ARRB1: variants seen among roughly 807,000 people sequenced by gnomAD.
The protein encoded by ARRB1 is arrestin beta 1.
In ARRB1, 21 loss-of-function variants were observed where a neutral mutation model predicts 56.8. That is an observed-to-expected ratio of 0.37 (90% CI 0.26 to 0.53). ARRB1 has a LOEUF of 0.53. Among genes scored for constraint, ARRB1 ranks in the 20% least tolerant of loss-of-function variants. ARRB1 has a pLI of 0.88. For synonymous variants in ARRB1, 210 were observed against 218.6 expected, an observed-to-expected ratio of 0.96 and a Z score of 0.35; for missense variants, 424 against 553.7, an observed-to-expected ratio of 0.77 and a Z score of 2.35.
At chr11:75,289,890 C>A (rs1189905035) in intron 2 of ARRB1, 119 bp downstream of exon 2, 12 of 1,438,918 alleles carry the variant, frequency 8.3e-6, no homozygotes, top group African/African-American at 1.4e-5. Flanking sequence ...GGGAGCAGCA[C>A]CTGCCCCCTC....
In ARRB1 at chr11:75,263,874, C is replaced by T. The variant is rs188801140; in HGVS notation, c.*2289G>A. On this transcript the variant is annotated 3_prime_UTR_variant, in exon 16 of 16. Coordinates refer to ENST00000420843, the MANE Select transcript of ARRB1 (RefSeq NM_004041.5). ...AGGCTCGGGAAACCAGCCTGACAAACGTTTTCCATGCATGAGTTAGGGATA... is the reference window on the plus strand; with the variant it reads ...AGGCTCGGGAAACCAGCCTGACAAATGTTTTCCATGCATGAGTTAGGGATA... Among the ~76,000 whole-genome samples the T allele has an allele frequency of 2.6e-5, 4 of 152,298 alleles. No homozygotes were observed. The highest frequency in any genetic ancestry group is 4.1e-4 in the South Asian group (2 of 4,832).
chr11:75,268,984 G>A (rs1306502720), intron 13 of ARRB1, 25 bp from the exon 14 acceptor site: 2 of 1,602,716 alleles, frequency 1.2e-6, no homozygotes, highest in East Asian at 2.2e-5. Flanking sequence ...CAGACCCAGT[G>A]AGCCTTGAGC....
chr11:75,274,206 G>A lies in ARRB1; in HGVS notation c.782C>T (p.Thr261Ile). 6.2e-7 allele frequency: 1 copy of A among 1,614,124 alleles called. No homozygotes were observed. The highest frequency in any genetic ancestry group is 8.5e-7 in the Non-Finnish European group (1 of 1,179,960). The change falls in exon 11 of 16, where the codon ACT becomes ATT. Residue 261 changes from threonine (T) to isoleucine (I), a missense_variant. Physicochemically the swap from Thr to Ile is moderately conservative, Grantham distance 89 (BLOSUM62 -1). Coordinates refer to ENST00000420843, the MANE Select transcript of ARRB1 (RefSeq NM_004041.5). ...GCAGAACGTCGAGCTGGGTGCCACAGTGTCACTGGGAAGAAAGGAAGCAGC... is the reference window on the plus strand; with the variant it reads ...GCAGAACGTCGAGCTGGGTGCCACAATGTCACTGGGAAGAAAGGAAGCAGC... ...CPVAMEEADD[T>I]VAPSSTFCKV...
At chr11:75,277,215 A>G (rs1445012924) in intron 9 of ARRB1, 149 bp downstream of exon 9, 1 of 832,500 alleles carries the variant, frequency 1.2e-6, no homozygotes, top group African/African-American at 1.7e-5. Context: ...CCAACTCAAA[A>G]GCTTTGCCCT....
intron 1 of ARRB1, among the ~76,000 whole-genome samples, chr11:75,324,387 G>A (rs148740386): frequency 8.5e-5 from 13 of 152,254 alleles, no homozygotes; most frequent in East Asian, 1.9e-4. Flanking sequence ...TTATCTGCCC[G>A]TGCGAAGCTC....
At chr11:75,302,034 T>C (rs1279643696) in intron 1 of ARRB1, among the ~76,000 whole-genome samples, 1 of 152,166 alleles carries the variant, frequency 6.6e-6, no homozygotes, top group East Asian at 1.9e-4. Flanking sequence ...GCCAGGAAGC[T>C]TGGGCTCAGG....
At chr11:75,327,360 T>A (rs1331529890) in intron 1 of ARRB1, among the ~76,000 whole-genome samples, 2 of 146,792 alleles carry the variant, frequency 1.4e-5, no homozygotes, top group African/African-American at 5.1e-5. Context: ...TGAAACAGAG[T>A]CTCACTAGGT....
At chr11:75,280,896 G>A in intron 7 of ARRB1, 179 bp downstream of exon 7, 1 of 673,522 alleles carries the variant, frequency 1.5e-6, no homozygotes, top group South Asian at 1.8e-5. Context: ...GGCAGTCGAA[G>A]CCACCTCCCC....
chr11:75,270,484 C>T (rs747414236), intron 13 of ARRB1, among the ~76,000 whole-genome samples: 17 of 152,086 alleles, frequency 1.1e-4, no homozygotes, highest in Non-Finnish European at 2.4e-4. Flanking sequence ...AAAAATTAGC[C>T]GGGTGTGGTG....
intron 1 of ARRB1, among the ~76,000 whole-genome samples, chr11:75,324,126 TCTC>T: frequency 6.6e-6 from 1 of 152,320 alleles, no homozygotes; most frequent in South Asian, 2.1e-4. Context: ...ATTGCTCTCT[TCTC>T]CTTGTCTAAT....
chr11:75,300,597 C>T (rs139050004), intron 1 of ARRB1, among the ~76,000 whole-genome samples: 1,914 of 152,200 alleles, frequency 0.013, 36 homozygotes, highest in African/African-American at 0.041. Flanking sequence ...TTTGGGAGGC[C>T]GAGGTGGGCG....
chr11:75,308,852 G>A (rs979575654), intron 1 of ARRB1, among the ~76,000 whole-genome samples: 11 of 152,098 alleles, frequency 7.2e-5, no homozygotes, highest in African/African-American at 9.7e-5. Flanking sequence ...CTCCCACCTC[G>A]GCGTCCTGAG....
chr11:75,267,824 G>A, intron 14 of ARRB1, 121 bp from the exon 15 acceptor site: 1 of 810,226 alleles, frequency 1.2e-6, no homozygotes. Flanking sequence ...AAAGGATAAA[G>A]GGGAATGGAG....
chr11:75,267,623 CGGAT>C, intron 15 of ARRB1, 25 bp downstream of exon 15: 1 of 1,557,452 alleles, frequency 6.4e-7, no homozygotes, highest in Non-Finnish European at 8.7e-7. Context: ...GGCCCACCCC[CGGAT>C]GTCTGCAGGC....
rs1005651442 is a variant in ARRB1, at chr11:75,265,723, C to G, written c.*440G>C. On this transcript the variant is annotated 3_prime_UTR_variant, in exon 16 of 16. Transcript: ENST00000420843. ...AGGAGGTGGCCTTCAACGCGGTCAT[C>G]TTTTAGCTGCCAGAACTTTGTTAAC... 5.5e-6 allele frequency: 1 copy of G among 182,950 alleles called. No individual in the cohort carries two copies. The highest frequency in any genetic ancestry group is 5.7e-5 in the Admixed American group (1 of 17,658). 11.3% of individuals were successfully genotyped at this position (182,950 alleles called of 1,614,324 possible).
chr11:75,289,687 ACGGCCCTCGG>A (rs1176203236), intron 2 of ARRB1, among the ~76,000 whole-genome samples: 1 of 152,196 alleles, frequency 6.6e-6, no homozygotes, highest in Non-Finnish European at 1.5e-5. Context: ...TCACTCCCCC[ACGGCCCTCGG>A]CGCTTACTGG....
intron 3 of ARRB1, among the ~76,000 whole-genome samples, chr11:75,287,026 C>T (rs552038084): frequency 6.6e-6 from 1 of 152,322 alleles, no homozygotes; most frequent in East Asian, 1.9e-4. Flanking sequence ...CTGTCTGCTA[C>T]ATGACACGCC....
intron 1 of ARRB1, among the ~76,000 whole-genome samples, chr11:75,299,574 C>A (rs1946847397): frequency 6.6e-6 from 1 of 152,136 alleles, no homozygotes; most frequent in Non-Finnish European, 1.5e-5. Flanking sequence ...CCTGAGATCC[C>A]TCCCCAGGCC....
intron 1 of ARRB1, among the ~76,000 whole-genome samples, chr11:75,331,038 T>G (rs1351455603): frequency 6.6e-6 from 1 of 152,276 alleles, no homozygotes; most frequent in African/African-American, 2.4e-5. Context: ...GATTTTTATT[T>G]TTTGAGGCGG....
Sources: gnomAD v4.1 joint callset for allele counts (sites outside exome capture counted in the v4.1 genomes callset) on GRCh38, gnomAD v4.1.1 for gene constraint, MANE v1.5 for transcripts, NCBI Gene and HGNC (gene_info 2026-07-23, HGNC 2026-07-21) for gene names.